GALNS: variants seen among roughly 807,000 people sequenced by gnomAD.
GALNS encodes the protein galactosamine (N-acetyl)-6-sulfatase, also known as N-acetylgalactosamine-6-sulfatase.
In GALNS, 65 loss-of-function variants were observed where a neutral mutation model predicts 65.9. That is an observed-to-expected ratio of 0.99 (90% CI 0.81 to 1.21). The LOEUF (loss-of-function observed/expected upper bound fraction) is 1.21. GALNS is among the 50% of genes most tolerant of loss of function. The probability of loss-of-function intolerance (pLI) is 0.00; values close to 1 mark genes in which losing one functional copy is unlikely to be tolerated. For synonymous variants in GALNS, 346 were observed against 288.9 expected (o/e 1.20, Z -2.00); for missense variants, 776 against 700.7 (o/e 1.11, Z -1.21).
At chr16:88,843,174 A>G in intron 1 of GALNS, 1 of 1,383,796 alleles carries the variant, frequency 7.2e-7, no homozygotes, top group Non-Finnish European at 9.5e-7. Context: ...GCATGCTCGC[A>G]GGAGCTGGCC....
chr16:88,836,937 C>T (rs1912201987), intron 5 of GALNS, among the ~76,000 whole-genome samples: 1 of 152,206 alleles, frequency 6.6e-6, no homozygotes, highest in Non-Finnish European at 1.5e-5. Context: ...TTGTCCCAGC[C>T]TGTGACTAAT....
At chr16:88,820,433 G>A (rs28695879) in intron 12 of GALNS, among the ~76,000 whole-genome samples, 7 of 152,156 alleles carry the variant, frequency 4.6e-5, no homozygotes, top group African/African-American at 1.2e-4. Flanking sequence ...CCGGCCACCC[G>A]TCTTTAATTT....
chr16:88,848,010 G>C (rs576411325), intron 1 of GALNS, among the ~76,000 whole-genome samples: 2 of 152,330 alleles, frequency 1.3e-5, no homozygotes, highest in African/African-American at 4.8e-5. Context: ...CCATGACTCA[G>C]CCACGAAAAG....
chr16:88,853,619 G>C (rs1390350027), intron 1 of GALNS, among the ~76,000 whole-genome samples: 1 of 152,246 alleles, frequency 6.6e-6, no homozygotes, highest in Admixed American at 6.5e-5. Flanking sequence ...CTGGGAGGCA[G>C]GAGCTGTGTG....
At chr16:88,846,101 G>C (rs1375940580) in intron 1 of GALNS, among the ~76,000 whole-genome samples, 2 of 152,244 alleles carry the variant, frequency 1.3e-5, no homozygotes, top group African/African-American at 4.8e-5. Context: ...AATTGTGGTT[G>C]AGATACTGGG....
rs750953060 is a variant in GALNS, at chr16:88,841,008, T to G, written c.406A>C (p.Lys136Gln). 1.2e-6 allele frequency: 2 copies of G among 1,612,986 alleles called. No homozygotes were observed. Among genetic ancestry groups the G allele is most frequent in the African/African-American group, 1.3e-5 (1 of 74,906 alleles). Reference protein sequence around the residue: ...ELLKKAGYVSKIVGKWHLGHR... With the variant: ...ELLKKAGYVSQIVGKWHLGHR... ...GAGACTTACCACTTGCCGACAATCT[T>G]GCTGACGTAGCCGGCCTTCTTCAGA... The change falls in exon 4 of 14, where the codon AAG becomes CAG. Residue 136 changes from lysine to glutamine, a missense_variant. Physicochemically the swap from Lys to Gln is moderately conservative, Grantham distance 53 (BLOSUM62 1). Coordinates refer to ENST00000268695, the MANE Select transcript of GALNS (RefSeq NM_000512.5).
chr16:88,856,718 CCCCACCCCGGCCCTGCCCCGT>C lies in GALNS; in HGVS notation c.120+19_120+39del, dbSNP rs1967928896. The C allele has an allele frequency of 2.4e-6, 2 of 839,862 alleles. No homozygotes were observed. The highest frequency in any genetic ancestry group is 3.5e-5 in the African/African-American group (2 of 56,626). The allele number at this position is 839,862 out of a possible 1,614,324, so 52.0% of individuals were successfully genotyped here. ...CCTCCATCCGCCCCTCCCCTCCCCG[CCCCACCCCGGCCCTGCCCCGT>C]CCCACCGCCCGCACTCACGTCGTCC... is the stretch of plus-strand genomic sequence containing the variant. On this transcript the variant is annotated intron_variant, in intron 1 of 13. Coordinates refer to ENST00000268695, the MANE Select transcript of GALNS (RefSeq NM_000512.5).
rs76200202 is a variant in GALNS at position 88,818,205 on chromosome 16, G to A, written c.1365-81C>T. 14,187 of 1,127,800 alleles carry A rather than the reference G, an allele frequency of 0.013. 130 individuals carry two copies. Among genetic ancestry groups the A allele is most frequent in the East Asian group, 0.016 (631 of 40,236 alleles). The allele number at this position is 1,127,800 out of a possible 1,614,324, so 69.9% of individuals were successfully genotyped here. On this transcript the variant is annotated intron_variant, in intron 12 of 13. Coordinates refer to ENST00000268695, the MANE Select transcript of GALNS (RefSeq NM_000512.5). The stretch of plus-strand genomic sequence containing the variant: ...GGGCTGGCCTGGACAGGCTGAGGCT[G>A]CAGAGCTCTAACGGGCTGAGAACCA...
chr16:88,830,170 G>A (rs1911343027), intron 9 of GALNS, among the ~76,000 whole-genome samples: 1 of 147,936 alleles, frequency 6.8e-6, no homozygotes, highest in Non-Finnish European at 1.5e-5. Context: ...GGTAGAAGTT[G>A]CAGTGAGCCG....
At chr16:88,824,991 T>A (rs1910657747) in intron 10 of GALNS, 122 bp from the exon 11 acceptor site, 2 of 784,872 alleles carry the variant, frequency 2.5e-6, no homozygotes, top group South Asian at 2.9e-5. Context: ...GGTTGATACT[T>A]TACAAAGATG....
intron 2 of GALNS, chr16:88,842,400 T>C (rs1297274217): frequency 9.5e-6 from 5 of 528,716 alleles, no homozygotes; most frequent in African/African-American, 7.7e-5. Flanking sequence ...CCAGGTACCC[T>C]GAGACGGAGC....
rs1482155729 is a variant in GALNS, at chr16:88,818,038, G to T, written c.1451C>A (p.Pro484His). 6.3e-7 allele frequency: 1 copy of T among 1,582,058 alleles called. No homozygotes were observed. The highest frequency in any genetic ancestry group is 8.6e-7 in the Non-Finnish European group (1 of 1,169,256). The change falls in exon 13 of 14, where the codon CCC (proline) becomes CAC (histidine). Residue 484 changes from proline to histidine, a missense_variant. Physicochemically the swap from Pro to His is moderately conservative, Grantham distance 77. Transcript: ENST00000268695. ...QHQEALVPAQ[P>H]QLNVCNWAVM... Reference sequence around the variant, plus strand: ...CGCCCAGTTGCACACGTTGAGCTGGGGCTGCGCGGGGACCAAGGCCTCCTG... The same window carrying T: ...CGCCCAGTTGCACACGTTGAGCTGGTGCTGCGCGGGGACCAAGGCCTCCTG...
Position 88,813,941 on chromosome 16 carries a change from A to G in GALNS, c.*498T>C, listed in dbSNP as rs1909365045. On this transcript the variant is annotated 3_prime_UTR_variant, in exon 14 of 14. Coordinates refer to ENST00000268695, the MANE Select transcript of GALNS (RefSeq NM_000512.5). ...CCCGTTCCCTTACTGTTTACATAAA[A>G]ATGCGGATTCACTGGGCCAGACTCA... The G allele has an allele frequency of 4.9e-6, 1 of 204,032 alleles. No individual in the cohort carries two copies. Among genetic ancestry groups the G allele is most frequent in the Non-Finnish European group, 1.0e-5 (1 of 97,732 alleles). The allele number at this position is 204,032 out of a possible 1,614,324, so 12.6% of individuals were successfully genotyped here.
intron 1 of GALNS, chr16:88,856,098 A>G (rs1204344583): frequency 8.7e-6 from 6 of 689,098 alleles, no homozygotes; most frequent in Non-Finnish European, 1.6e-5. Flanking sequence ...TGGCTCCCAC[A>G]AGGAGTTAGG....
At chr16:88,835,467 A>C in intron 7 of GALNS, 115 bp from the exon 8 acceptor site, 1 of 1,409,864 alleles carries the variant, frequency 7.1e-7, no homozygotes, top group Non-Finnish European at 9.9e-7. Context: ...TTCACAGACC[A>C]CAGTGAAACT....
Position 88,813,884 on chromosome 16 carries a change from G to A in GALNS, c.*555C>T, listed in dbSNP as rs1909358359. 5.9e-6 allele frequency: 1 copy of A among 168,838 alleles called. No homozygotes were observed. Among genetic ancestry groups the A allele is most frequent in the Admixed American group, 5.5e-5 (1 of 18,130 alleles). 10.5% of individuals were successfully genotyped at this position (168,838 alleles called of 1,614,324 possible). A position where few individuals can be genotyped will look rare whatever the true frequency, so the allele number is the denominator to read the frequency against. ...ACGGAACTGGAAGTCATCCCTCTGG[G>A]GCTCCCCTGAGACAAACGCTTATAT... On this transcript the variant is annotated 3_prime_UTR_variant, in exon 14 of 14. Coordinates refer to ENST00000268695, the MANE Select transcript of GALNS (RefSeq NM_000512.5).
chr16:88,835,983 T>G (rs112424203), intron 6 of GALNS, 134 bp from the exon 7 acceptor site: 43 of 1,381,628 alleles, frequency 3.1e-5, no homozygotes, highest in Non-Finnish European at 4.1e-5. Context: ...CGGGGCAAGG[T>G]TGGTGCGGTC....
chr16:88,855,221 C>G (rs1597606194), intron 1 of GALNS: 3 of 697,720 alleles, frequency 4.3e-6, no homozygotes, highest in Non-Finnish European at 7.8e-6. Flanking sequence ...AGCTGCCCCG[C>G]CTCACCCCTC....
In GALNS at chr16:88,814,199, A is replaced by G; in HGVS notation, c.*240T>C. 1.7e-6 allele frequency: 1 copy of G among 596,254 alleles called. No homozygotes were observed. The highest frequency in any genetic ancestry group is 3.0e-6 in the Non-Finnish European group (1 of 334,088). 36.9% of individuals were successfully genotyped at this position (596,254 alleles called of 1,614,324 possible). On this transcript the variant is annotated 3_prime_UTR_variant, in exon 14 of 14. Coordinates refer to ENST00000268695, the MANE Select transcript of GALNS (RefSeq NM_000512.5). ...TGAGACGGCAGGGTCCTGAGGTCTG[A>G]GGCGCCGTGGGCGAGGAGGAGGGTC...
Sources: allele counts gnomAD v4.1 joint callset (sites outside exome capture counted in the v4.1 genomes callset), GRCh38; gene constraint gnomAD v4.1.1; transcripts MANE v1.5; gene names NCBI Gene and HGNC (gene_info 2026-07-23, HGNC 2026-07-21).